Variants in ATRNL1 observed in about 807,000 individuals in gnomAD.
ATRNL1 encodes attractin-like protein 1.
ATRNL1 carries 95 observed loss-of-function variants against 182.7 expected under a neutral mutation model. The observed-to-expected ratio is 0.52, with a 90% CI of 0.44 to 0.62. The LOEUF (loss-of-function observed/expected upper bound fraction) is 0.62. Ranked by LOEUF, ATRNL1 falls within the 20% of genes least tolerant of loss-of-function variation. ATRNL1 has a pLI of 0.00. For synonymous variants in ATRNL1, 576 were observed against 568.3 expected (o/e 1.01, Z -0.19); for missense variants, 1,471 against 1,679.5 (o/e 0.88, Z 2.17).
At chr10:115,419,750 A>C (rs1845567708) in intron 20 of ATRNL1, among the ~76,000 whole-genome samples, 1 of 152,238 alleles carries the variant, frequency 6.6e-6, no homozygotes, top group Middle Eastern at 3.2e-3. Flanking sequence ...GCCCACTAGC[A>C]GAGGACCTAT....
intron 26 of ATRNL1, among the ~76,000 whole-genome samples, chr10:115,571,845 A>G (rs1237822066): frequency 5.3e-5 from 8 of 151,916 alleles, no homozygotes; most frequent in Non-Finnish European, 8.8e-5. Flanking sequence ...AAATATTCCT[A>G]TTCATATAAG....
chr10:115,920,399 A>G (rs909721477), intron 28 of ATRNL1, among the ~76,000 whole-genome samples: 5 of 152,360 alleles, frequency 3.3e-5, no homozygotes, highest in African/African-American at 9.6e-5. Flanking sequence ...CAGAGCTAGT[A>G]CAAACACCTC....
chr10:115,887,468 G>A (rs1555110074), intron 28 of ATRNL1, among the ~76,000 whole-genome samples: 3 of 152,164 alleles, frequency 2.0e-5, no homozygotes, highest in Non-Finnish European at 2.9e-5. Flanking sequence ...AGTAGAAGGT[G>A]CAGGACAGCT....
At chr10:115,399,582 T>C (rs1187125151) in intron 20 of ATRNL1, among the ~76,000 whole-genome samples, 2 of 151,994 alleles carry the variant, frequency 1.3e-5, no homozygotes, top group Non-Finnish European at 2.9e-5. Flanking sequence ...TAGCTAGTGG[T>C]CTAGCAATTT....
intron 14 of ATRNL1, among the ~76,000 whole-genome samples, chr10:115,286,011 C>T (rs527302067): frequency 2.0e-4 from 31 of 152,074 alleles, no homozygotes; most frequent in African/African-American, 7.5e-4. Context: ...TAATTTATCT[C>T]ATGTTTAAGA....
intron 26 of ATRNL1, among the ~76,000 whole-genome samples, chr10:115,714,625 A>G (rs1184223716): frequency 6.6e-6 from 1 of 152,146 alleles, no homozygotes; most frequent in African/African-American, 2.4e-5. Context: ...CTACTTAATA[A>G]TAGAAACCTT....
At chr10:115,512,605 C>G (rs1179663745) in intron 24 of ATRNL1, among the ~76,000 whole-genome samples, 3 of 151,558 alleles carry the variant, frequency 2.0e-5, no homozygotes, top group African/African-American at 7.3e-5. Flanking sequence ...ATACTGTCTA[C>G]CAACTACTGT....
chr10:115,740,494 C>CCTAT (rs35903471), intron 27 of ATRNL1, among the ~76,000 whole-genome samples: 144,266 of 150,720 alleles, frequency 0.96, 69,273 homozygotes, highest in Non-Finnish European at 1. Context: ...ATATCAAGAT[C>CCTAT]CTATCTATCT....
In ATRNL1 at chr10:115,281,387, A is replaced by T; in HGVS notation, c.2133A>T (p.Arg711Ser). 3 of 1,613,356 alleles carry T rather than the reference A, an allele frequency of 1.9e-6. No individual in the cohort carries two copies. The highest frequency in any genetic ancestry group is 2.5e-6 in the Non-Finnish European group (3 of 1,179,602). The change falls in exon 14 of 29, where the codon AGA becomes AGT. Residue 711 changes from arginine (R) to serine (S), a missense_variant. By Grantham distance (110) the Arg-to-Ser change is moderately radical. This residue lies in a region of ATRNL1 where 1,031 missense variants were observed against 1,156.0 expected (regional missense o/e 0.89). Coordinates refer to ENST00000355044, the MANE Select transcript of ATRNL1 (RefSeq NM_207303.4). ...AGAACTACACCAAATGTCATGTGAG[A>T]AATGAGCAGATTTGTAACAAACTTA... ...SVKNYTKCHV[R>S]NEQICNKLTS...
intron 24 of ATRNL1, among the ~76,000 whole-genome samples, chr10:115,504,815 A>C (rs1488405675): frequency 2.0e-5 from 3 of 151,980 alleles, no homozygotes; most frequent in African/African-American, 7.2e-5. Flanking sequence ...CCAATTAGAG[A>C]TCTTTTATAT....
intron 21 of ATRNL1, among the ~76,000 whole-genome samples, chr10:115,458,335 G>T (rs1554969107): frequency 6.6e-6 from 1 of 152,044 alleles, no homozygotes; most frequent in African/African-American, 2.4e-5. Flanking sequence ...ATTCTAAGCA[G>T]CTTTAAAAGG....
chr10:115,139,524 C>G (rs1271427040), intron 5 of ATRNL1, among the ~76,000 whole-genome samples: 6 of 152,136 alleles, frequency 3.9e-5, no homozygotes, highest in Non-Finnish European at 8.8e-5. Flanking sequence ...GTAAACTCCC[C>G]TTTTTACAAC....
intron 22 of ATRNL1, among the ~76,000 whole-genome samples, chr10:115,462,702 A>T (rs1847875601): frequency 6.6e-6 from 1 of 152,110 alleles, no homozygotes; most frequent in Non-Finnish European, 1.5e-5. Flanking sequence ...CAGTAATATG[A>T]TTTGTCTTTT....
At chr10:115,281,281 T>A (rs782351378) in intron 13 of ATRNL1, 74 bp from the exon 14 acceptor site, 10 of 1,344,144 alleles carry the variant, frequency 7.4e-6, no homozygotes, top group Non-Finnish European at 1.0e-5. Flanking sequence ...CACCAGAGGA[T>A]TTAAATATAC....
intron 8 of ATRNL1, among the ~76,000 whole-genome samples, chr10:115,194,678 C>T (rs1452354591): frequency 3.3e-5 from 5 of 151,636 alleles, no homozygotes; most frequent in Non-Finnish European, 5.9e-5. Context: ...GAATTTAGTC[C>T]GTTTACATTC....
chr10:115,270,031 G>A (rs1554912319), intron 13 of ATRNL1, among the ~76,000 whole-genome samples: 3 of 151,552 alleles, frequency 2.0e-5, no homozygotes, highest in African/African-American at 7.3e-5. Flanking sequence ...TTTTATTTGA[G>A]TTTTAACATT....
At chr10:115,148,271 C>T (rs1056190310) in intron 5 of ATRNL1, among the ~76,000 whole-genome samples, 1 of 152,022 alleles carries the variant, frequency 6.6e-6, no homozygotes, top group African/African-American at 2.4e-5. Context: ...AGAAATGCTG[C>T]AGATTTTTGT....
chr10:115,344,341 G>A (rs11197173), intron 19 of ATRNL1, among the ~76,000 whole-genome samples: 91,218 of 151,872 alleles, frequency 0.6, 29,339 homozygotes, highest in Non-Finnish European at 0.74. Context: ...CACTCAAAAC[G>A]CAATATGCAG....
chr10:115,484,032 C>T (rs1554974717), intron 24 of ATRNL1, among the ~76,000 whole-genome samples: 2 of 151,308 alleles, frequency 1.3e-5, no homozygotes, highest in East Asian at 1.9e-4. Flanking sequence ...CACTAGGTCT[C>T]TCAAAAGCAG....
Sources: gnomAD v4.1 joint callset for allele counts (sites outside exome capture counted in the v4.1 genomes callset) on GRCh38, gnomAD v4.1.1 for gene constraint, gnomAD v4.1.1 regional missense constraint, MANE v1.5 for transcripts, NCBI Gene and HGNC (gene_info 2026-07-23, HGNC 2026-07-21) for gene names.